The following KCNN3 variants were observed in gnomAD, a reference collection of about 807,000 sequenced individuals.
The protein encoded by KCNN3 is potassium calcium-activated channel subfamily N member 3, also known as small conductance calcium-activated potassium channel protein 3.
In KCNN3, 16 loss-of-function variants were observed where a neutral mutation model predicts 62.9. The ratio of observed to expected loss-of-function variants is 0.25; its 90% CI spans 0.17 to 0.39. The LOEUF (loss-of-function observed/expected upper bound fraction) is 0.39. KCNN3 is among the 10% of genes least tolerant of loss of function. The pLI, the probability that KCNN3 is intolerant of heterozygous loss-of-function variation, is 1.00. For synonymous variants in KCNN3, 370 were observed against 389.2 expected (o/e 0.95, Z 0.58); for missense variants, 599 against 949.4 (o/e 0.63, Z 4.85).
chr1:154,784,509 A>C (rs74115869), intron 2 of KCNN3, among the ~76,000 whole-genome samples: 17,055 of 152,086 alleles, frequency 0.11, 1,009 homozygotes, highest in East Asian at 0.23. Context: ...CCAGCGTCCC[A>C]CCCTTCCACA....
chr1:154,733,042 T>A lies in KCNN3; in HGVS notation c.1551A>T (p.Thr517=). Residue 517 remains threonine (T), a synonymous_variant, in exon 4 of 8, where the codon ACA becomes ACT. Transcript: ENST00000271915. ...SIGYGDMVPH[T]YCGKGVCLLT... is the part of the protein sequence containing the mutation. ...GGAGACAGACACCTTTCCCACAGTA[T>A]GTGTGGGGCACCATGTCCCCATAAC... The A allele has an allele frequency of 6.2e-7, 1 of 1,613,518 alleles. No individual in the cohort carries two copies. Among genetic ancestry groups the A allele is most frequent in the Non-Finnish European group, 8.5e-7 (1 of 1,179,500 alleles).
chr1:154,757,110 T>G (rs1647760660), intron 3 of KCNN3, among the ~76,000 whole-genome samples: 1 of 152,032 alleles, frequency 6.6e-6, no homozygotes, highest in Non-Finnish European at 1.5e-5. Flanking sequence ...GACAGACCTG[T>G]GTAGGAAATA....
intron 2 of KCNN3, among the ~76,000 whole-genome samples, chr1:154,808,794 G>C (rs1650284340): frequency 1.3e-5 from 2 of 152,178 alleles, no homozygotes; most frequent in African/African-American, 4.8e-5. Flanking sequence ...ATGGTTTCTA[G>C]CACATTCTAG....
At chr1:154,775,573 C>A (rs1036850387) in intron 2 of KCNN3, among the ~76,000 whole-genome samples, 10 of 127,774 alleles carry the variant, frequency 7.8e-5, no homozygotes, top group East Asian at 5.6e-4. Flanking sequence ...CAGCCCCCCA[C>A]CCACCCACCC....
At position 154,702,698 on chromosome 1, in the gene KCNN3, CAGATATAT is replaced by C. The variant is rs1699877341; in HGVS notation, c.*5270_*5277del. On this transcript the variant is annotated 3_prime_UTR_variant, in exon 8 of 8. Transcript: ENST00000271915. ...GGACGTTGGCTGCTTCGATCTGATT[CAGATATAT>C]ATATATATATATATATATATATATA... 1 of 71,366 alleles carries C rather than the reference CAGATATAT, an allele frequency of 1.4e-5. No individual in the cohort carries two copies. The allele number at this position is 71,366 out of a possible 1,614,324, so 4.4% of individuals were successfully genotyped here.
rs1253317603 is a variant in KCNN3, at chr1:154,714,914, C to T, written c.1791G>A (p.Val597=). The stretch of plus-strand genomic sequence containing the variant: ...GGAGGAACTTCCTCTGGTGTTTCCT[C>T]ACTTTGGCATGGTCAATCTTCTTTA... ...KLLKKIDHAK[V]RKHQRKFLQA... The change falls in exon 6 of 8, where the codon GTG becomes GTA. Residue 597 remains valine, a synonymous_variant. Transcript: ENST00000271915. 1 of 1,613,648 alleles carries T rather than the reference C, an allele frequency of 6.2e-7. No homozygotes were observed. The highest frequency in any genetic ancestry group is 2.2e-5 in the East Asian group (1 of 44,884).
intron 2 of KCNN3, among the ~76,000 whole-genome samples, chr1:154,776,559 G>A (rs1413319788): frequency 6.6e-6 from 1 of 152,134 alleles, no homozygotes. Context: ...TGTCCCACGT[G>A]AGGACACTCT....
chr1:154,779,866 G>A (rs1273506375), intron 2 of KCNN3, among the ~76,000 whole-genome samples: 4 of 152,198 alleles, frequency 2.6e-5, no homozygotes, highest in Admixed American at 2.6e-4. Flanking sequence ...TTCAGCTGTG[G>A]GTGTGTCACA....
chr1:154,757,164 G>C (rs1647763500), intron 3 of KCNN3, among the ~76,000 whole-genome samples: 1 of 152,348 alleles, frequency 6.6e-6, no homozygotes. Flanking sequence ...GAGAGCAGGA[G>C]AGATCTCAAC....
intron 7 of KCNN3, 140 bp from the exon 8 acceptor site, chr1:154,708,412 G>T: frequency 1.1e-6 from 1 of 891,596 alleles, no homozygotes; most frequent in Non-Finnish European, 1.8e-6. Flanking sequence ...AAGGATACAG[G>T]CTTCTTTCCT....
intron 4 of KCNN3, among the ~76,000 whole-genome samples, chr1:154,727,716 T>G (rs1700500645): frequency 6.6e-6 from 1 of 152,220 alleles, no homozygotes; most frequent in Non-Finnish European, 1.5e-5. Context: ...TGTGCCCAAT[T>G]TTCAAAGGAT....
chr1:154,801,473 C>T (rs1320874612), intron 2 of KCNN3, among the ~76,000 whole-genome samples: 2 of 152,184 alleles, frequency 1.3e-5, no homozygotes, highest in Admixed American at 1.3e-4. Context: ...ATCCATTCTT[C>T]CCCAAGAGCC....
intron 3 of KCNN3, among the ~76,000 whole-genome samples, chr1:154,757,613 T>C (rs1416931868): frequency 1.3e-5 from 2 of 152,108 alleles, no homozygotes; most frequent in South Asian, 2.1e-4. Flanking sequence ...CCTAAGAATA[T>C]GGGCCACTCT....
At chr1:154,726,920 CT>C (rs1410779248) in intron 4 of KCNN3, among the ~76,000 whole-genome samples, 2 of 152,222 alleles carry the variant, frequency 1.3e-5, no homozygotes, top group Non-Finnish European at 2.9e-5. Context: ...CTCACTTTCT[CT>C]CTCCTAATCC....
chr1:154,782,845 G>A (rs941086753), intron 2 of KCNN3, among the ~76,000 whole-genome samples: 3 of 152,168 alleles, frequency 2.0e-5, no homozygotes, highest in African/African-American at 7.2e-5. Context: ...CAAGTCCCAC[G>A]CCCTTTCACC....
chr1:154,804,863 C>T (rs1650103295), intron 2 of KCNN3, among the ~76,000 whole-genome samples: 1 of 152,170 alleles, frequency 6.6e-6, no homozygotes. Flanking sequence ...GCTTTGCACC[C>T]AGGCAGTCTG....
chr1:154,806,849 G>T (rs896603732), intron 2 of KCNN3, among the ~76,000 whole-genome samples: 5 of 152,176 alleles, frequency 3.3e-5, no homozygotes, highest in East Asian at 1.9e-4. Context: ...GGTTTCCTGC[G>T]GTCCCTGAAA....
intron 1 of KCNN3, among the ~76,000 whole-genome samples, chr1:154,855,054 C>A (rs1652465538): frequency 1.3e-5 from 2 of 151,988 alleles, no homozygotes; most frequent in Non-Finnish European, 2.9e-5. Flanking sequence ...TTTGTCTCTA[C>A]TAAAAATACA....
At chr1:154,733,431 T>C (rs143251556) in intron 3 of KCNN3, among the ~76,000 whole-genome samples, 44 of 152,282 alleles carry the variant, frequency 2.9e-4, no homozygotes, top group African/African-American at 1.0e-3. Flanking sequence ...TTAGTGTTGG[T>C]AAGATAGCTT....
Sources: gnomAD v4.1 joint callset for allele counts (sites outside exome capture counted in the v4.1 genomes callset) on GRCh38, gnomAD v4.1.1 for gene constraint, MANE v1.5 for transcripts, NCBI Gene and HGNC (gene_info 2026-07-23, HGNC 2026-07-21) for gene names.